The following ATP8B4 variants were observed in gnomAD, a reference collection of about 807,000 sequenced individuals.
ATP8B4 encodes the protein ATPase phospholipid transporting 8B4 (putative).
In ATP8B4, 133 loss-of-function variants were observed where a neutral mutation model predicts 145.6. The ratio of observed to expected loss-of-function variants is 0.91; its 90% CI spans 0.79 to 1.05. The LOEUF is 1.05. Among genes scored for constraint, ATP8B4 ranks in the 50% least tolerant of loss-of-function variants. The pLI is 0.00. For synonymous variants in ATP8B4, 507 were observed against 492.9 expected (o/e 1.03, Z -0.38); for missense variants, 1,458 against 1,425.2 (o/e 1.02, Z -0.37).
chr15:50,045,637 G>C (rs1464394159), intron 4 of ATP8B4, among the ~76,000 whole-genome samples: 1 of 152,158 alleles, frequency 6.6e-6, no homozygotes. Context: ...TGATGTAGCA[G>C]TAAAAATGTT....
intron 5 of ATP8B4, among the ~76,000 whole-genome samples, chr15:50,041,755 A>G (rs761117647): frequency 6.6e-6 from 1 of 152,204 alleles, no homozygotes; most frequent in Non-Finnish European, 1.5e-5. Flanking sequence ...CTTGGCTAAC[A>G]TGGTGAAACC....
intron 1 of ATP8B4, among the ~76,000 whole-genome samples, chr15:50,170,873 A>G (rs1567417382): frequency 6.6e-6 from 1 of 152,224 alleles, no homozygotes; most frequent in African/African-American, 2.4e-5. Flanking sequence ...GAGGTGTTTC[A>G]TGCAAATGGA....
intron 20 of ATP8B4, among the ~76,000 whole-genome samples, chr15:49,909,626 G>A (rs948229309): frequency 6.7e-6 from 1 of 148,376 alleles, no homozygotes; most frequent in Non-Finnish European, 1.5e-5. Context: ...TGTCCCACCT[G>A]CTGTCCCCAT....
chr15:49,905,246 T>A (rs973981749), intron 20 of ATP8B4, among the ~76,000 whole-genome samples: 1 of 152,338 alleles, frequency 6.6e-6, no homozygotes, highest in Non-Finnish European at 1.5e-5. Context: ...TAAGCACATT[T>A]GACAGGTTTA....
At chr15:50,150,480 A>G (rs909613412) in intron 1 of ATP8B4, among the ~76,000 whole-genome samples, 2 of 152,172 alleles carry the variant, frequency 1.3e-5, no homozygotes, top group African/African-American at 4.8e-5. Flanking sequence ...TTGGATTTTG[A>G]TGTCCCTCAG....
chr15:49,919,552 G>A (rs1188556857), intron 18 of ATP8B4, among the ~76,000 whole-genome samples: 1 of 152,010 alleles, frequency 6.6e-6, no homozygotes, highest in Non-Finnish European at 1.5e-5. Flanking sequence ...CAAGTAGTTG[G>A]GACTACAGGC....
intron 25 of ATP8B4, among the ~76,000 whole-genome samples, chr15:49,872,865 T>A (rs1012330191): frequency 6.6e-6 from 1 of 152,172 alleles, no homozygotes; most frequent in African/African-American, 2.4e-5. Flanking sequence ...ATCAAATCTG[T>A]GGCTCAGTTA....
chr15:49,987,767 A>G (rs1324310755), intron 9 of ATP8B4, among the ~76,000 whole-genome samples: 1 of 152,182 alleles, frequency 6.6e-6, no homozygotes, highest in East Asian at 1.9e-4. Context: ...ATAAAAATAG[A>G]AAAAACAAAT....
chr15:50,150,376 CA>C (rs1288253148), intron 1 of ATP8B4, among the ~76,000 whole-genome samples: 4 of 152,202 alleles, frequency 2.6e-5, no homozygotes, highest in Non-Finnish European at 5.9e-5. Context: ...GATTTTAACA[CA>C]ATGGACTCCA....
chr15:50,034,974 A>G (rs2050729159), intron 6 of ATP8B4, among the ~76,000 whole-genome samples: 1 of 152,242 alleles, frequency 6.6e-6, no homozygotes, highest in Admixed American at 6.5e-5. Context: ...CTTGTGCAGC[A>G]GTCACATTAA....
Position 50,114,103 on chromosome 15 carries a change from C to CTTTTTTTTTTTTTTTTTTTTTTTT in ATP8B4, c.-43+4996_-43+5019dup, listed in dbSNP as rs755159123. On this transcript the variant is annotated intron_variant, in intron 1 of 27. Coordinates refer to ENST00000284509, the MANE Select transcript of ATP8B4 (RefSeq NM_024837.4). ...ATTTTCCTTCTTGGTCTCCTAGTTTCTTTTTTTTTTTTTTTTTTTTTTTTT... is the reference window on the plus strand; with the variant it reads ...ATTTTCCTTCTTGGTCTCCTAGTTTCTTTTTTTTTTTTTTTTTTTTTTTTTTTTTTTTTTTTTTTTTTTTTTTTT... 8.8e-4 allele frequency among the ~76,000 whole-genome samples: 49 copies of CTTTTTTTTTTTTTTTTTTTTTTTT among 55,656 alleles called. 6 individuals are homozygous for CTTTTTTTTTTTTTTTTTTTTTTTT. The highest frequency in any genetic ancestry group is 1.3e-3 in the Non-Finnish European group (41 of 31,918). 36.5% of individuals were successfully genotyped at this position (55,656 alleles called of 152,430 possible).
intron 1 of ATP8B4, among the ~76,000 whole-genome samples, chr15:50,150,664 G>A (rs1047967433): frequency 6.6e-6 from 1 of 152,174 alleles, no homozygotes; most frequent in East Asian, 1.9e-4. Context: ...AATTTTGTCT[G>A]TTTCGTAGGG....
At chr15:49,961,646 A>T (rs1166749574) in intron 14 of ATP8B4, among the ~76,000 whole-genome samples, 1 of 152,188 alleles carries the variant, frequency 6.6e-6, no homozygotes, top group Non-Finnish European at 1.5e-5. Flanking sequence ...ATCTAGAAAG[A>T]TCTCCAAGAT....
chr15:49,948,397 C>T (rs1331041562), intron 14 of ATP8B4, among the ~76,000 whole-genome samples: 1 of 151,928 alleles, frequency 6.6e-6, no homozygotes, highest in Non-Finnish European at 1.5e-5. Context: ...TGCAGTGAGC[C>T]AAGATTGTGC....
intron 13 of ATP8B4, among the ~76,000 whole-genome samples, chr15:49,967,328 T>A (rs1470987515): frequency 3.9e-5 from 6 of 152,130 alleles, no homozygotes; most frequent in Non-Finnish European, 8.8e-5. Flanking sequence ...TCCTCCCAGC[T>A]AAAGGAACAT....
chr15:50,076,662 G>A (rs2054198752), intron 2 of ATP8B4, among the ~76,000 whole-genome samples: 1 of 152,094 alleles, frequency 6.6e-6, no homozygotes, highest in South Asian at 2.1e-4. Flanking sequence ...CCCAAAACCT[G>A]ATTAGAGCCA....
At chr15:49,871,771 T>C (rs1421548045) in intron 25 of ATP8B4, among the ~76,000 whole-genome samples, 1 of 152,204 alleles carries the variant, frequency 6.6e-6, no homozygotes, top group African/African-American at 2.4e-5. Flanking sequence ...CTACTCATTC[T>C]GCTTCTAGGC....
chr15:50,139,623 C>T (rs564352431), intron 1 of ATP8B4, among the ~76,000 whole-genome samples: 15 of 151,996 alleles, frequency 9.9e-5, no homozygotes, highest in Non-Finnish European at 2.1e-4. Context: ...TAAATGTGTC[C>T]GTTCGATGGA....
intron 1 of ATP8B4, among the ~76,000 whole-genome samples, chr15:50,171,281 C>T (rs190206946): frequency 1.3e-5 from 2 of 152,276 alleles, no homozygotes; most frequent in African/African-American, 2.4e-5. Flanking sequence ...AAGGAACTTC[C>T]TCCAAGATAG....
Sources: gnomAD v4.1 joint callset for allele counts (sites outside exome capture counted in the v4.1 genomes callset) on GRCh38, gnomAD v4.1.1 for gene constraint, MANE v1.5 for transcripts, NCBI Gene and HGNC (gene_info 2026-07-23, HGNC 2026-07-21) for gene names.